NPAS3: variants seen among roughly 807,000 people sequenced by gnomAD.
NPAS3 encodes the protein neuronal PAS domain protein 3, also known as neuronal PAS domain-containing protein 3.
Under a neutral mutation model 73.1 loss-of-function variants are expected in NPAS3, and 14 were observed. That is an observed-to-expected ratio of 0.19 (90% CI 0.13 to 0.30). The LOEUF is 0.30. NPAS3 is among the 10% of genes least tolerant of loss of function. The probability of loss-of-function intolerance (pLI) is 1.00; values close to 1 mark genes in which losing one functional copy is unlikely to be tolerated. For missense variants in NPAS3, 1,096 were observed against 1,250.0 expected (o/e 0.88, Z 1.86); for synonymous variants, 620 against 541.5 (o/e 1.14, Z -2.01).
chr14:33,197,521 T>A (rs4981180), intron 2 of NPAS3, among the ~76,000 whole-genome samples: 2 of 151,632 alleles, frequency 1.3e-5, no homozygotes, highest in South Asian at 2.1e-4. Flanking sequence ...GAGCATATTG[T>A]CAGAAAAAAA....
chr14:33,396,767 T>G (rs1455806863), intron 4 of NPAS3, among the ~76,000 whole-genome samples: 1 of 152,184 alleles, frequency 6.6e-6, no homozygotes, highest in Non-Finnish European at 1.5e-5. Flanking sequence ...CATTTATATA[T>G]ACACTTATGT....
intron 1 of NPAS3, among the ~76,000 whole-genome samples, chr14:33,020,296 G>T (rs2039546024): frequency 6.6e-6 from 1 of 152,122 alleles, no homozygotes; most frequent in Non-Finnish European, 1.5e-5. Context: ...GAGGCCAAGA[G>T]GGCTGGTTCT....
intron 2 of NPAS3, among the ~76,000 whole-genome samples, chr14:33,130,649 G>T (rs1310183298): frequency 6.6e-6 from 1 of 152,112 alleles, no homozygotes; most frequent in East Asian, 1.9e-4. Flanking sequence ...GTGAATGGGG[G>T]AAATGCAATT....
chr14:33,239,193 A>G (rs894175664), intron 3 of NPAS3, among the ~76,000 whole-genome samples: 1 of 151,890 alleles, frequency 6.6e-6, no homozygotes, highest in African/African-American at 2.4e-5. Context: ...GCTGAGAAAC[A>G]TTGGTTTTCT....
chr14:33,275,941 A>G (rs1002114338), intron 3 of NPAS3, among the ~76,000 whole-genome samples: 1 of 152,174 alleles, frequency 6.6e-6, no homozygotes, highest in African/African-American at 2.4e-5. Context: ...AGCACACAAT[A>G]AAGTTATTCA....
Position 33,333,472 on chromosome 14 carries a change from G to T in NPAS3, c.386-33714G>T, listed in dbSNP as rs1017121535. 6.6e-5 allele frequency among the ~76,000 whole-genome samples: 10 copies of T among 152,140 alleles called. 1 individual carries two copies. Among genetic ancestry groups the T allele is most frequent in the African/African-American group, 2.4e-4 (10 of 41,440 alleles). ...AAACCTTATGAAGTAAGTAGGTCAA[G>T]TATTATTTTTAATTTCATTTTACAA... is the stretch of plus-strand genomic sequence containing the variant. On this transcript the variant is annotated intron_variant, in intron 3 of 11. Transcript: ENST00000356141.
At chr14:33,089,258 T>G (rs987947229) in intron 2 of NPAS3, among the ~76,000 whole-genome samples, 3 of 152,084 alleles carry the variant, frequency 2.0e-5, no homozygotes, top group African/African-American at 7.2e-5. Flanking sequence ...TGAGAAAAGA[T>G]TAGATGAATG....
rs77747076 is a variant in NPAS3 at position 33,635,511 on chromosome 14, A to C, written c.559-40700A>C. Among the ~76,000 whole-genome samples, 1,415 of 152,284 alleles carry C rather than the reference A, an allele frequency of 9.3e-3. 44 individuals are homozygous for C. In the East Asian group the frequency reaches 0.12, roughly 13 times the overall value. ...TTTATGGATTGAAAGGAAGGAGTAG[A>C]GGCTGCAGACCCAGAGGCTCGAGCA... On this transcript the variant is annotated intron_variant, in intron 5 of 11. Transcript: ENST00000356141.
intron 4 of NPAS3, among the ~76,000 whole-genome samples, chr14:33,377,591 G>A (rs757434044): frequency 3.1e-4 from 47 of 152,186 alleles, no homozygotes; most frequent in African/African-American, 1.1e-3. Context: ...TCTCTATATG[G>A]CAGATACGTA....
intron 1 of NPAS3, among the ~76,000 whole-genome samples, chr14:32,993,345 G>A (rs1005610070): frequency 5.3e-5 from 8 of 152,022 alleles, no homozygotes; most frequent in South Asian, 4.1e-4. Context: ...ACTCCAGGAA[G>A]GAAATATGAA....
At chr14:33,777,664 A>C (rs1237948934) in intron 8 of NPAS3, among the ~76,000 whole-genome samples, 2 of 152,210 alleles carry the variant, frequency 1.3e-5, no homozygotes, top group East Asian at 3.8e-4. Context: ...ACAGAGGGTA[A>C]CAAGCATTTT....
chr14:33,453,881 G>C (rs1172960743), intron 4 of NPAS3, among the ~76,000 whole-genome samples: 1 of 152,104 alleles, frequency 6.6e-6, no homozygotes, highest in East Asian at 1.9e-4. Context: ...GTAGAGATGG[G>C]GATTCACCAC....
At chr14:33,335,036 G>GTGTGCA (rs1364437078) in intron 3 of NPAS3, among the ~76,000 whole-genome samples, 12 of 103,348 alleles carry the variant, frequency 1.2e-4, no homozygotes, top group African/African-American at 6.5e-4. Flanking sequence ...TCCATTGTGT[G>GTGTGCA]TGTGTGCGTG....
At chr14:33,426,578 T>G (rs10129955) in intron 4 of NPAS3, among the ~76,000 whole-genome samples, 83,657 of 151,726 alleles carry the variant, frequency 0.55, 24,344 homozygotes, top group African/African-American at 0.73. Flanking sequence ...TGTAACAGAA[T>G]ATCATGAGCG....
intron 6 of NPAS3, among the ~76,000 whole-genome samples, chr14:33,679,162 C>T (rs1003642125): frequency 1.3e-5 from 2 of 152,192 alleles, no homozygotes; most frequent in African/African-American, 4.8e-5. Flanking sequence ...TCATCAGCTA[C>T]ACTCGCATAA....
chr14:33,610,121 G>A (rs1378872330), intron 5 of NPAS3, among the ~76,000 whole-genome samples: 1 of 152,054 alleles, frequency 6.6e-6, no homozygotes, highest in East Asian at 1.9e-4. Context: ...TCCCAAACCA[G>A]TGTTGGAAAT....
chr14:33,370,998 T>C, intron 4 of NPAS3, among the ~76,000 whole-genome samples: 1 of 152,106 alleles, frequency 6.6e-6, no homozygotes, highest in East Asian at 1.9e-4. Flanking sequence ...GGTGTATAGA[T>C]GAATGATAGT....
At chr14:33,358,269 G>A (rs1331176667) in intron 3 of NPAS3, among the ~76,000 whole-genome samples, 2 of 152,114 alleles carry the variant, frequency 1.3e-5, no homozygotes, top group Non-Finnish European at 2.9e-5. Flanking sequence ...TGTAAAGTTG[G>A]GGTTTTCAGA....
chr14:33,644,357 A>G (rs909014611), intron 5 of NPAS3, among the ~76,000 whole-genome samples: 1 of 152,218 alleles, frequency 6.6e-6, no homozygotes, highest in Non-Finnish European at 1.5e-5. Flanking sequence ...CAGGGGCACT[A>G]CACACATTTT....
Sources: allele counts gnomAD v4.1 joint callset (sites outside exome capture counted in the v4.1 genomes callset), GRCh38; gene constraint gnomAD v4.1.1; transcripts MANE v1.5; gene names NCBI Gene and HGNC (gene_info 2026-07-23, HGNC 2026-07-21).